Variants in SYNPO2 observed in about 807,000 individuals in gnomAD.
The protein encoded by SYNPO2 is synaptopodin-2.
SYNPO2 carries 56 observed loss-of-function variants against 85.0 expected under a neutral mutation model. That is an observed-to-expected ratio of 0.66 (90% CI 0.53 to 0.82). The LOEUF (loss-of-function observed/expected upper bound fraction) is 0.82. Ranked by LOEUF, SYNPO2 falls within the 40% of genes least tolerant of loss-of-function variation. The pLI is 0.00. For missense variants in SYNPO2, 1,575 were observed against 1,534.2 expected (o/e 1.03, Z -0.44); for synonymous variants, 602 against 591.1 (o/e 1.02, Z -0.27).
At chr4:118,936,807 T>C (rs1479959877) in intron 1 of SYNPO2, among the ~76,000 whole-genome samples, 1 of 152,190 alleles carries the variant, frequency 6.6e-6, no homozygotes, top group Admixed American at 6.5e-5. Context: ...GTGTTAACTC[T>C]GAAAAGGACT....
intron 1 of SYNPO2, among the ~76,000 whole-genome samples, chr4:118,959,102 A>C (rs553607864): frequency 6.6e-6 from 1 of 152,196 alleles, no homozygotes; most frequent in Non-Finnish European, 1.5e-5. Context: ...GTAACACTCA[A>C]TCTATTATTT....
intron 1 of SYNPO2, among the ~76,000 whole-genome samples, chr4:118,895,483 T>A (rs1356486612): frequency 6.6e-6 from 1 of 152,214 alleles, no homozygotes; most frequent in Non-Finnish European, 1.5e-5. Flanking sequence ...TTCTGGAGCA[T>A]GTGTATGGTT....
Position 118,905,007 on chromosome 4 carries a change from T to TGG in SYNPO2, c.105+15869_105+15870dup, listed in dbSNP as rs559679937. Among the ~76,000 whole-genome samples, 66 of 152,256 alleles carry TGG rather than the reference T, an allele frequency of 4.3e-4. 1 individual carries two copies. Among genetic ancestry groups the TGG allele is most frequent in the Non-Finnish European group, 8.7e-4 (59 of 68,012 alleles). ...GTATTTTGGCTGCTGGCCTGCCAGA[T>TGG]GGGGAAATGTTGATCAGAACAATTT... On this transcript the variant is annotated intron_variant, in intron 1 of 4. Transcript: ENST00000307142.
At chr4:119,003,353 C>G (rs139096041) in intron 1 of SYNPO2, among the ~76,000 whole-genome samples, 4,942 of 152,178 alleles carry the variant, frequency 0.032, 251 homozygotes, top group African/African-American at 0.11. Flanking sequence ...TGGGGGAAAC[C>G]ACCCCCATGA....
At position 119,027,028 on chromosome 4, in the gene SYNPO2, G is replaced by C. The variant is rs1239569172; in HGVS notation, c.659G>C (p.Gly220Ala). Residue 220 changes from glycine to alanine, a missense_variant, in exon 3 of 5, where the codon GGA (glycine) becomes GCA (alanine). By Grantham distance (60) the Gly-to-Ala change is moderately conservative. Transcript: ENST00000307142. ...AGTGGCCCTTTAGTGGCTCTCCCGG[G>C]AGCTGAAAAATCTAAGTCTCCTGAC... is the stretch of plus-strand genomic sequence containing the variant. ...GASGPLVALP[G>A]AEKSKSPDPD... 3.1e-6 allele frequency: 5 copies of C among 1,614,082 alleles called. No homozygotes were observed. In the East Asian group the frequency reaches 8.9e-5, roughly 29 times the overall value.
At chr4:118,912,196 T>G (rs1308247389) in intron 1 of SYNPO2, among the ~76,000 whole-genome samples, 1 of 152,232 alleles carries the variant, frequency 6.6e-6, no homozygotes, top group Non-Finnish European at 1.5e-5. Flanking sequence ...TGTTTGTTTG[T>G]CAGAGGCAGG....
At chr4:119,037,735 A>C (rs1738574778) in intron 4 of SYNPO2, 1 of 839,392 alleles carries the variant, frequency 1.2e-6, no homozygotes, top group African/African-American at 1.8e-5. Context: ...AGCTGAGCAC[A>C]AAATTTGGGC....
At chr4:118,976,248 G>A (rs866139449) in intron 1 of SYNPO2, among the ~76,000 whole-genome samples, 1 of 152,054 alleles carries the variant, frequency 6.6e-6, no homozygotes, top group Non-Finnish European at 1.5e-5. Flanking sequence ...TGGCTCAGGA[G>A]TGAAGCTGCA....
chr4:118,900,697 C>CTATATATATA (rs1165068182), intron 1 of SYNPO2, among the ~76,000 whole-genome samples: 16 of 37,170 alleles, frequency 4.3e-4, no homozygotes, highest in South Asian at 1.2e-3. Flanking sequence ...CTCTCTCTCT[C>CTATATATATA]TCTCTCTATA....
chr4:119,051,416 C>A (rs182541912), intron 4 of SYNPO2, among the ~76,000 whole-genome samples: 1 of 151,426 alleles, frequency 6.6e-6, no homozygotes, highest in African/African-American at 2.4e-5. Flanking sequence ...TGGTCTCGAT[C>A]TCCTGACCTC....
At chr4:118,871,028 T>C (rs2110572120) in intron 1 of SYNPO2, among the ~76,000 whole-genome samples, 1 of 152,322 alleles carries the variant, frequency 6.6e-6, no homozygotes, top group Middle Eastern at 3.4e-3. Flanking sequence ...GAGCTAGGGT[T>C]TGAATTCATG....
rs1037950229 is a variant in SYNPO2 at position 118,881,299 on chromosome 4, C to T, written c.12+30359C>T. Reference sequence around the variant, plus strand: ...CCTGGGCGACAGAGCAAAACTCCGTCTCAAAAAAAAAAAAAAAGAAGAAGA... The same window carrying T: ...CCTGGGCGACAGAGCAAAACTCCGTTTCAAAAAAAAAAAAAAAGAAGAAGA... On this transcript the variant is annotated intron_variant, in intron 1 of 4. Transcript: ENST00000610556. 5.9e-5 allele frequency among the ~76,000 whole-genome samples: 7 copies of T among 118,616 alleles called. No homozygotes were observed. In the Admixed American group the frequency reaches 6.8e-4, roughly 12 times the overall value. The allele number at this position is 118,616 out of a possible 152,430, so 77.8% of individuals were successfully genotyped here.
intron 1 of SYNPO2, among the ~76,000 whole-genome samples, chr4:118,954,750 T>A (rs948166172): frequency 6.6e-6 from 1 of 152,182 alleles, no homozygotes; most frequent in Non-Finnish European, 1.5e-5. Context: ...TATAGCTATA[T>A]ACAAGGGAGT....
At chr4:118,917,660 A>G (rs1733396640) in intron 1 of SYNPO2, among the ~76,000 whole-genome samples, 1 of 38,748 alleles carries the variant, frequency 2.6e-5, no homozygotes, top group South Asian at 1.1e-3. Context: ...ATGTGCATAT[A>G]TGAATGTTTG....
intron 1 of SYNPO2, among the ~76,000 whole-genome samples, chr4:118,891,007 C>T (rs1732360074): frequency 6.6e-6 from 1 of 151,960 alleles, no homozygotes; most frequent in Admixed American, 6.6e-5. Context: ...CTGCATGTGA[C>T]GATTTCAATG....
At chr4:118,988,851 C>A (rs368046888) in intron 1 of SYNPO2, among the ~76,000 whole-genome samples, 1 of 152,132 alleles carries the variant, frequency 6.6e-6, no homozygotes, top group African/African-American at 2.4e-5. Context: ...CACCTTCCCC[C>A]ACCCCAAAGT....
intron 1 of SYNPO2, among the ~76,000 whole-genome samples, chr4:118,967,025 T>C (rs1735340335): frequency 6.6e-6 from 1 of 152,222 alleles, no homozygotes; most frequent in African/African-American, 2.4e-5. Flanking sequence ...TTGAGCATAA[T>C]GGATATGTTC....
intron 1 of SYNPO2, among the ~76,000 whole-genome samples, chr4:118,975,394 T>G (rs1400685600): frequency 1.3e-5 from 2 of 152,076 alleles, no homozygotes; most frequent in African/African-American, 2.4e-5. Flanking sequence ...AAGCCAAGCT[T>G]TAAGAGTGGG....
rs181980838 is a variant in SYNPO2 at position 118,974,008 on chromosome 4, G to T, written c.106-49422G>T. 3.3e-5 allele frequency among the ~76,000 whole-genome samples: 5 copies of T among 152,294 alleles called. No individual in the cohort carries two copies. The East Asian group carries it at 7.7e-4, about 24-fold the overall frequency. On this transcript the variant is annotated intron_variant, in intron 1 of 4. Transcript: ENST00000307142. ...TTGTTCCCATTATACAGCTGAGGAC[G>T]CTGACTTAAATCATCAACCTGCTTA...
Sources: allele counts gnomAD v4.1 joint callset (sites outside exome capture counted in the v4.1 genomes callset), GRCh38; gene constraint gnomAD v4.1.1; transcripts MANE v1.5; gene names NCBI Gene and HGNC (gene_info 2026-07-23, HGNC 2026-07-21).